Variants in THEMIS observed in about 807,000 individuals in gnomAD.
THEMIS encodes the protein thymocyte selection associated, also known as protein THEMIS.
THEMIS carries 37 observed loss-of-function variants against 52.6 expected under a neutral mutation model. The observed-to-expected ratio is 0.70, with a 90% CI of 0.54 to 0.93. The LOEUF (loss-of-function observed/expected upper bound fraction) is 0.93. Among genes scored for constraint, THEMIS ranks in the 40% least tolerant of loss-of-function variants. THEMIS has a pLI of 0.00. For missense variants in THEMIS, 808 were observed against 763.1 expected (o/e 1.06, Z -0.69); for synonymous variants, 292 against 272.7 (o/e 1.07, Z -0.70).
At chr6:127,742,432 A>C (rs1775241773) in intron 4 of THEMIS, among the ~76,000 whole-genome samples, 1 of 152,144 alleles carries the variant, frequency 6.6e-6, no homozygotes, top group Non-Finnish European at 1.5e-5. Flanking sequence ...TTTAAAAAAA[A>C]CCTAAAAGCA....
chr6:127,830,014 C>T (rs948215164), intron 2 of THEMIS, 80 bp from the exon 3 acceptor site: 38 of 996,216 alleles, frequency 3.8e-5, no homozygotes, highest in Non-Finnish European at 5.6e-5. Context: ...GAGAGAGTTA[C>T]AACACAAGTA....
intron 1 of THEMIS, among the ~76,000 whole-genome samples, chr6:127,891,933 C>T (rs911602335): frequency 1.3e-5 from 2 of 152,180 alleles, no homozygotes; most frequent in Non-Finnish European, 2.9e-5. Flanking sequence ...TCCTTTTGGT[C>T]CCCAGATGTC....
At chr6:127,772,547 T>TA (rs149163049) in intron 4 of THEMIS, among the ~76,000 whole-genome samples, 1,848 of 152,248 alleles carry the variant, frequency 0.012, 25 homozygotes, top group African/African-American at 0.041. Context: ...CTTTCAAGTT[T>TA]AATTGCTTAA....
intron 4 of THEMIS, among the ~76,000 whole-genome samples, chr6:127,790,936 T>C (rs1013527787): frequency 3.3e-5 from 5 of 152,158 alleles, no homozygotes; most frequent in African/African-American, 1.2e-4. Flanking sequence ...ACCCAGAAAC[T>C]TGGAGATGCC....
intron 4 of THEMIS, among the ~76,000 whole-genome samples, chr6:127,734,727 G>A (rs757950290): frequency 8.6e-5 from 13 of 151,366 alleles, no homozygotes; most frequent in African/African-American, 2.7e-4. Flanking sequence ...AAAATTAGCC[G>A]GGTGTGGTGG....
intron 1 of THEMIS, among the ~76,000 whole-genome samples, chr6:127,863,679 A>T (rs1242938566): frequency 1.3e-5 from 2 of 152,312 alleles, no homozygotes; most frequent in Middle Eastern, 3.4e-3. Flanking sequence ...TGTGAATGGC[A>T]TCCTTGGAGT....
chr6:127,900,941 C>T lies in THEMIS; in HGVS notation c.-9G>A. ...TCCAGTGATAATGCCATTGCTATGCCTTGGGTAGTTTGTAGACCTGGTGCT... is the reference window on the plus strand; with the variant it reads ...TCCAGTGATAATGCCATTGCTATGCTTTGGGTAGTTTGTAGACCTGGTGCT... On this transcript the variant is annotated 5_prime_UTR_variant, in exon 1 of 6. Coordinates refer to ENST00000368248, the MANE Select transcript of THEMIS (RefSeq NM_001010923.3). 2 of 1,611,326 alleles carry T rather than the reference C, an allele frequency of 1.2e-6. No individual in the cohort carries two copies. Among genetic ancestry groups the T allele is most frequent in the Non-Finnish European group, 1.7e-6 (2 of 1,177,902 alleles).
rs1198122983 is a variant in THEMIS at position 127,708,993 on chromosome 6, G to C, written c.*992C>G. The C allele has an allele frequency of 6.6e-6, 1 of 151,816 alleles. No homozygotes were observed. The highest frequency in any genetic ancestry group is 1.5e-5 in the Non-Finnish European group (1 of 67,906). The allele number at this position is 151,816 out of a possible 1,614,324, so 9.4% of individuals were successfully genotyped here. On this transcript the variant is annotated 3_prime_UTR_variant, in exon 6 of 6. Transcript: ENST00000368248. Reference sequence around the variant, plus strand: ...CTATGTAACATTAACCAGATAGCCTGTCTCTTCATTTTGTTAAAGGAAAAA... The same window carrying C: ...CTATGTAACATTAACCAGATAGCCTCTCTCTTCATTTTGTTAAAGGAAAAA...
At chr6:127,698,734 G>A in the THEMIS span, among the ~76,000 whole-genome samples, 2 of 151,810 alleles carry the variant, frequency 1.3e-5, no homozygotes, top group East Asian at 1.9e-4. Context: ...ATTCCTAATG[G>A]GTAGAAGTCC....
chr6:127,742,333 C>CA (rs1020748425), intron 4 of THEMIS, among the ~76,000 whole-genome samples: 7 of 135,026 alleles, frequency 5.2e-5, no homozygotes, highest in Non-Finnish European at 9.7e-5. Context: ...AAAAAACAAA[C>CA]AAAAAAACAA....
Position 127,813,469 on chromosome 6 carries a change from A to G in THEMIS, c.1172T>C (p.Val391Ala), listed in dbSNP as rs777808391. The change falls in exon 4 of 6, where the codon GTG becomes GCG. Residue 391 changes from valine (V) to alanine (A), a missense_variant. Physicochemically the swap from Val to Ala is moderately conservative, Grantham distance 64. Transcript: ENST00000368248. ...GACTTCAGTCGTCTCTGACTGATGC[A>G]CCAGAAACTGGTCCCCAACAGATAC... ...SSVSVGDQFL[V>A]HQSETTEVLC... 6.2e-7 allele frequency: 1 copy of G among 1,613,866 alleles called. No individual in the cohort carries two copies. Among genetic ancestry groups the G allele is most frequent in the Non-Finnish European group, 8.5e-7 (1 of 1,180,008 alleles).
chr6:127,867,934 A>G (rs1780034371), intron 1 of THEMIS, among the ~76,000 whole-genome samples: 1 of 152,100 alleles, frequency 6.6e-6, no homozygotes, highest in African/African-American at 2.4e-5. Context: ...ACACACACAC[A>G]CACACACACA....
At chr6:127,783,082 C>T (rs556951226) in intron 4 of THEMIS, among the ~76,000 whole-genome samples, 1 of 152,098 alleles carries the variant, frequency 6.6e-6, no homozygotes, top group East Asian at 1.9e-4. Flanking sequence ...AGAAATAATG[C>T]CACACATCTA....
At chr6:127,761,669 C>G (rs1288513599) in intron 4 of THEMIS, among the ~76,000 whole-genome samples, 3 of 152,096 alleles carry the variant, frequency 2.0e-5, no homozygotes, top group African/African-American at 7.2e-5. Flanking sequence ...ACATACTACT[C>G]TCAGGGAGCA....
intron 4 of THEMIS, among the ~76,000 whole-genome samples, chr6:127,809,640 G>T (rs1327134965): frequency 2.0e-5 from 3 of 151,984 alleles, no homozygotes; most frequent in African/African-American, 7.3e-5. Flanking sequence ...CTCAACCAAA[G>T]CAGGGATTCC....
Position 127,721,127 on chromosome 6 carries a change from T to C in THEMIS, c.1759-1304A>G, listed in dbSNP as rs764693789. On this transcript the variant is annotated intron_variant, in intron 4 of 5. Coordinates refer to ENST00000368248, the MANE Select transcript of THEMIS (RefSeq NM_001010923.3). The stretch of plus-strand genomic sequence containing the variant: ...ATGCCTAGACTAGCTGGCTGCAGAT[T>C]GAACATGAGATGGGCAGAGTTAGGT... Among the ~76,000 whole-genome samples the C allele has an allele frequency of 1.6e-4, 25 of 151,992 alleles. 1 individual carries two copies. The highest frequency in any genetic ancestry group is 1.5e-5 in the Non-Finnish European group (1 of 67,940).
Position 127,775,596 on chromosome 6 carries a change from T to C in THEMIS, c.1758+37287A>G, listed in dbSNP as rs569128408. Among the ~76,000 whole-genome samples the C allele has an allele frequency of 2.3e-4, 35 of 151,968 alleles. No individual in the cohort carries two copies. The East Asian group carries it at 4.4e-3, about 19-fold the overall frequency. On this transcript the variant is annotated intron_variant, in intron 4 of 5. Coordinates refer to ENST00000368248, the MANE Select transcript of THEMIS (RefSeq NM_001010923.3). ...GGCAGCACTCTGGGTTTGACCTCAT[T>C]CCCTGAATTTTTTCCCATCACCACC... is the stretch of plus-strand genomic sequence containing the variant.
intron 4 of THEMIS, among the ~76,000 whole-genome samples, chr6:127,782,997 G>A (rs770561975): frequency 3.3e-5 from 5 of 152,110 alleles, no homozygotes; most frequent in Non-Finnish European, 7.3e-5. Context: ...TATACTACAA[G>A]GCTATAGTAA....
chr6:127,751,358 T>A (rs557721801), intron 4 of THEMIS, among the ~76,000 whole-genome samples: 1 of 151,324 alleles, frequency 6.6e-6, no homozygotes, highest in African/African-American at 2.4e-5. Flanking sequence ...CTTTAGCAGA[T>A]ACACAAAAAT....
Sources: gnomAD v4.1 joint callset for allele counts (sites outside exome capture counted in the v4.1 genomes callset) on GRCh38, gnomAD v4.1.1 for gene constraint, MANE v1.5 for transcripts, NCBI Gene and HGNC (gene_info 2026-07-23, HGNC 2026-07-21) for gene names.